The following ZER1 variants were observed in gnomAD, a reference collection of about 807,000 sequenced individuals.
The protein encoded by ZER1 is zyg-11 related cell cycle regulator.
A neutral mutation model predicts 78.8 loss-of-function variants in ZER1; 11 were observed. That is an observed-to-expected ratio of 0.14 (90% CI 0.09 to 0.23). ZER1 has a LOEUF of 0.23. ZER1 is among the 10% of genes least tolerant of loss of function. The pLI is 1.00. For synonymous variants in ZER1, 400 were observed against 407.0 expected, an observed-to-expected ratio of 0.98 and a Z score of 0.21; for missense variants, 588 against 996.9, an observed-to-expected ratio of 0.59 and a Z score of 5.52.
chr9:128,755,153 G>C lies in ZER1; in HGVS notation c.158+255C>G, dbSNP rs1863814191. On this transcript the variant is annotated intron_variant, in intron 2 of 15. Coordinates refer to ENST00000291900, the MANE Select transcript of ZER1 (RefSeq NM_006336.4). The surrounding 1 kb of genome is among the most constrained non-coding windows in gnomAD (Gnocchi z 5.6). Reference sequence around the variant, plus strand: ...GTCAGAAATAACCTGTGCTGCATAAGCTTACATGTGTACACACACCCATGC... The same window carrying C: ...GTCAGAAATAACCTGTGCTGCATAACCTTACATGTGTACACACACCCATGC... Among the ~76,000 whole-genome samples the C allele has an allele frequency of 6.6e-6, 1 of 152,096 alleles. No individual in the cohort carries two copies. Among genetic ancestry groups the C allele is most frequent in the Non-Finnish European group, 1.5e-5 (1 of 68,018 alleles).
intron 8 of ZER1, among the ~76,000 whole-genome samples, chr9:128,743,186 C>T (rs368218943): frequency 2.0e-5 from 3 of 151,500 alleles, no homozygotes; most frequent in African/African-American, 7.3e-5. Flanking sequence ...GGACCTATCT[C>T]GGCTCACTGC....
rs118141609 is a variant in ZER1 at position 128,734,969 on chromosome 9, C to T, written c.2140+365G>A. ...TCACAGGCATGATCATAGGTCATTG[C>T]AGCTGGAAACTCCAGACCTCAGGCA... On this transcript the variant is annotated intron_variant, in intron 14 of 15. Transcript: ENST00000291900. Among the ~76,000 whole-genome samples the T allele has an allele frequency of 4.6e-5, 7 of 152,094 alleles. No individual in the cohort carries two copies. In the East Asian group the frequency reaches 1.2e-3, roughly 25 times the overall value.
intron 1 of ZER1, among the ~76,000 whole-genome samples, chr9:128,761,935 TCAAA>T (rs1328725330): frequency 1.6e-5 from 2 of 123,588 alleles, no homozygotes; most frequent in South Asian, 2.9e-4. Context: ...AAACTCAAGG[TCAAA>T]CAGAGGGAGC....
chr9:128,767,955 T>C (rs957375981), intron 1 of ZER1, among the ~76,000 whole-genome samples: 4 of 152,190 alleles, frequency 2.6e-5, no homozygotes, highest in African/African-American at 9.7e-5. Flanking sequence ...TTTTCCAGCC[T>C]CAATATTTAT....
At position 128,754,634 on chromosome 9, in the gene ZER1, C is replaced by G. The variant is rs1317170574; in HGVS notation, c.159-675G>C. Among the ~76,000 whole-genome samples, 9 of 152,150 alleles carry G rather than the reference C, an allele frequency of 5.9e-5. No individual in the cohort carries two copies. The highest frequency in any genetic ancestry group is 1.3e-4 in the Non-Finnish European group (9 of 68,030). ...GTCCACCTCTGTCCTCAGGCCCACACAGGCTTCTAGTTTCCTATGCAGCTG... is the reference window on the plus strand; with the variant it reads ...GTCCACCTCTGTCCTCAGGCCCACAGAGGCTTCTAGTTTCCTATGCAGCTG... On this transcript the variant is annotated intron_variant, in intron 2 of 15. Transcript: ENST00000291900. This position sits in a 1 kb window ranked among gnomAD's most constrained non-coding sequence, Gnocchi z 4.3.
Position 128,755,741 on chromosome 9 carries a change from G to A in ZER1, c.-94-82C>T. 1.2e-6 allele frequency: 1 copy of A among 804,948 alleles called. No individual in the cohort carries two copies. Among genetic ancestry groups the A allele is most frequent in the African/African-American group, 1.7e-5 (1 of 58,048 alleles). The allele number at this position is 804,948 out of a possible 1,614,324, so 49.9% of individuals were successfully genotyped here. A position where few individuals can be genotyped will look rare whatever the true frequency, so the allele number is the denominator to read the frequency against. On this transcript the variant is annotated intron_variant, in intron 1 of 15. Coordinates refer to ENST00000291900, the MANE Select transcript of ZER1 (RefSeq NM_006336.4). This position sits in a 1 kb window ranked among gnomAD's most constrained non-coding sequence, Gnocchi z 5.6. ...GTCCCATGTCCACGCTCTGAGTAGGGAAACTGAGACCACACTCCAATTAGC... is the reference window on the plus strand; with the variant it reads ...GTCCCATGTCCACGCTCTGAGTAGGAAAACTGAGACCACACTCCAATTAGC...
At chr9:128,767,151 C>T (rs1864239967) in intron 1 of ZER1, among the ~76,000 whole-genome samples, 1 of 151,962 alleles carries the variant, frequency 6.6e-6, no homozygotes, top group South Asian at 2.1e-4. Flanking sequence ...CCATGTTGGC[C>T]AGGCTGGTCT....
At position 128,741,701 on chromosome 9, in the gene ZER1, A is replaced by AG. The variant is rs766316988; in HGVS notation, c.1618-48dup. The AG allele has an allele frequency of 4.3e-6, 7 of 1,613,772 alleles. No individual in the cohort carries two copies. In the East Asian group the frequency reaches 8.9e-5, roughly 21 times the overall value. On this transcript the variant is annotated intron_variant, in intron 10 of 15. Coordinates refer to ENST00000291900, the MANE Select transcript of ZER1 (RefSeq NM_006336.4). ...CAGCCAAGGCTCCTGGTACCCGGGG[A>AG]GGGGGGCCCCTGACAAAACACAGAC...
chr9:128,751,727 C>T lies in ZER1; in HGVS notation c.924-200G>A, dbSNP rs1394806452. ...GGCAAAGCCACATAGTAGGGGAACA[C>T]ATAGGATGGGCAATGCAGCCACCTT... is the stretch of plus-strand genomic sequence containing the variant. On this transcript the variant is annotated intron_variant, in intron 5 of 15. Coordinates refer to ENST00000291900, the MANE Select transcript of ZER1 (RefSeq NM_006336.4). This position sits in a 1 kb window ranked among gnomAD's most constrained non-coding sequence, Gnocchi z 5.4. 6.6e-6 allele frequency among the ~76,000 whole-genome samples: 1 copy of T among 152,200 alleles called. No individual in the cohort carries two copies. Among genetic ancestry groups the T allele is most frequent in the Non-Finnish European group, 1.5e-5 (1 of 68,044 alleles).
In ZER1 at chr9:128,741,638, TC is replaced by T; in HGVS notation, c.1633del (p.Glu545SerfsTer27). Reference sequence around the variant, plus strand: ...GTTCCACAGGGCACTCCAGGAGAACTCCATGACCTGGTCACACTGTGAGGGC... The same window carrying T: ...GTTCCACAGGGCACTCCAGGAGAACTCATGACCTGGTCACACTGTGAGGGC... ...LLDKTCDQVM[E>X]FSWSALWNIT... On this transcript the variant is annotated frameshift_variant, in exon 11 of 16. Transcript: ENST00000291900. LOFTEE classifies it high-confidence loss of function. 6.2e-7 allele frequency: 1 copy of T among 1,614,150 alleles called. No homozygotes were observed. The highest frequency in any genetic ancestry group is 8.5e-7 in the Non-Finnish European group (1 of 1,180,026).
At chr9:128,759,337 ATTT>A (rs35419870) in intron 1 of ZER1, among the ~76,000 whole-genome samples, 3 of 133,048 alleles carry the variant, frequency 2.3e-5, no homozygotes, top group Admixed American at 7.5e-5. Flanking sequence ...CACCCAGCTA[ATTT>A]TTTTTTTTTT....
At position 128,754,250 on chromosome 9, in the gene ZER1, C is replaced by T. The variant is rs1863785602; in HGVS notation, c.159-291G>A. ...CCACGCACGCACACTGCAGGGGCAG[C>T]AGCCCCACTGGCATGGCCACTCTCG... On this transcript the variant is annotated intron_variant, in intron 2 of 15. Coordinates refer to ENST00000291900, the MANE Select transcript of ZER1 (RefSeq NM_006336.4). The surrounding 1 kb of genome is among the most constrained non-coding windows in gnomAD (Gnocchi z 4.3). 2.6e-5 allele frequency among the ~76,000 whole-genome samples: 4 copies of T among 152,230 alleles called. No homozygotes were observed. The highest frequency in any genetic ancestry group is 2.0e-4 in the Admixed American group (3 of 15,280).
intron 8 of ZER1, 76 bp from the exon 9 acceptor site, chr9:128,742,821 G>A: frequency 2.1e-6 from 3 of 1,418,810 alleles, no homozygotes; most frequent in East Asian, 2.5e-5. Context: ...CTATCTAGAG[G>A]TATGAGCTCA....
chr9:128,767,124 G>A (rs564121533), intron 1 of ZER1, among the ~76,000 whole-genome samples: 28 of 125,420 alleles, frequency 2.2e-4, no homozygotes, highest in Non-Finnish European at 3.6e-4. Flanking sequence ...TGTATTTTTA[G>A]TAGAGACAGG....
chr9:128,751,046 G>A lies in ZER1; in HGVS notation c.1185+76C>T. 4.0e-6 allele frequency: 6 copies of A among 1,515,940 alleles called. No homozygotes were observed. In the African/African-American group the frequency reaches 4.1e-5, roughly 10 times the overall value. The allele number at this position is 1,515,940 out of a possible 1,614,324, so 93.9% of individuals were successfully genotyped here. A position where few individuals can be genotyped will look rare whatever the true frequency, so the allele number is the denominator to read the frequency against. Reference sequence around the variant, plus strand: ...GGGTGCAGAAGGACACAGGCTCTGGGGACACGGCTCAGCCAAGCCCGGCAA... The same window carrying A: ...GGGTGCAGAAGGACACAGGCTCTGGAGACACGGCTCAGCCAAGCCCGGCAA... On this transcript the variant is annotated intron_variant, in intron 7 of 15. Coordinates refer to ENST00000291900, the MANE Select transcript of ZER1 (RefSeq NM_006336.4). The surrounding 1 kb of genome is among the most constrained non-coding windows in gnomAD (Gnocchi z 5.4).
chr9:128,752,034 C>G (rs1459387552), intron 5 of ZER1, among the ~76,000 whole-genome samples: 1 of 152,240 alleles, frequency 6.6e-6, no homozygotes, highest in African/African-American at 2.4e-5. Flanking sequence ...TCCCCTGTCG[C>G]TCCTCATGCT....
At chr9:128,760,976 A>G (rs1864023297) in intron 1 of ZER1, among the ~76,000 whole-genome samples, 1 of 151,670 alleles carries the variant, frequency 6.6e-6, no homozygotes, top group Non-Finnish European at 1.5e-5. Context: ...TGGCTAACAC[A>G]GTGAAACCTG....
In ZER1 at chr9:128,755,724, TC is replaced by T; in HGVS notation, c.-94-66del. 2.1e-6 allele frequency: 2 copies of T among 941,942 alleles called. No homozygotes were observed. Among genetic ancestry groups the T allele is most frequent in the Non-Finnish European group, 3.1e-6 (2 of 647,952 alleles). The allele number at this position is 941,942 out of a possible 1,614,324, so 58.3% of individuals were successfully genotyped here. On this transcript the variant is annotated intron_variant, in intron 1 of 15. Coordinates refer to ENST00000291900, the MANE Select transcript of ZER1 (RefSeq NM_006336.4). This position sits in a 1 kb window ranked among gnomAD's most constrained non-coding sequence, Gnocchi z 5.6. ...GGCTAGAACTATCAGTGGTCCCATG[TC>T]CACGCTCTGAGTAGGGAAACTGAGA...
intron 1 of ZER1, among the ~76,000 whole-genome samples, chr9:128,770,138 T>G (rs1018697201): frequency 6.6e-6 from 1 of 152,124 alleles, no homozygotes; most frequent in Non-Finnish European, 1.5e-5. Context: ...TTTCTTTTTT[T>G]TGAGACAGAG....
Sources: allele counts gnomAD v4.1 joint callset (sites outside exome capture counted in the v4.1 genomes callset), GRCh38; gene constraint gnomAD v4.1.1; non-coding constraint Gnocchi (gnomAD v3.1); transcripts MANE v1.5; gene names NCBI Gene and HGNC (gene_info 2026-07-23, HGNC 2026-07-21).